SLC2A13: variants seen among roughly 807,000 people sequenced by gnomAD.
SLC2A13 encodes proton myo-inositol cotransporter.
Under a neutral mutation model 64.4 loss-of-function variants are expected in SLC2A13, and 32 were observed. That is an observed-to-expected ratio of 0.50 (90% CI 0.37 to 0.67). The LOEUF (loss-of-function observed/expected upper bound fraction) is 0.67. Ranked by LOEUF, SLC2A13 falls within the 30% of genes least tolerant of loss-of-function variation. The pLI is 0.00. For synonymous variants in SLC2A13, 338 were observed against 327.1 expected, an observed-to-expected ratio of 1.03 and a Z score of -0.36; for missense variants, 743 against 829.2, an observed-to-expected ratio of 0.90 and a Z score of 1.28.
chr12:39,962,297 G>A (rs1230903616), intron 3 of SLC2A13, among the ~76,000 whole-genome samples: 1 of 152,074 alleles, frequency 6.6e-6, no homozygotes, highest in African/African-American at 2.4e-5. Flanking sequence ...CACCATGTTG[G>A]CCAGGCTGGC....
chr12:39,766,979 A>G (rs1948716114), intron 7 of SLC2A13, among the ~76,000 whole-genome samples: 1 of 152,058 alleles, frequency 6.6e-6, no homozygotes, highest in African/African-American at 2.4e-5. Context: ...CAAACTTCCA[A>G]ACTGTTCATT....
At chr12:39,843,849 C>A (rs1352882193) in intron 6 of SLC2A13, among the ~76,000 whole-genome samples, 1 of 151,958 alleles carries the variant, frequency 6.6e-6, no homozygotes, top group Non-Finnish European at 1.5e-5. Flanking sequence ...GGCTGCTATA[C>A]CAGCTCAACT....
intron 4 of SLC2A13, among the ~76,000 whole-genome samples, chr12:39,897,866 A>T (rs1206585232): frequency 6.6e-6 from 1 of 152,102 alleles, no homozygotes; most frequent in Non-Finnish European, 1.5e-5. Context: ...GCATATTTAA[A>T]CTGAATACAT....
intron 7 of SLC2A13, among the ~76,000 whole-genome samples, chr12:39,778,132 C>G (rs1004768168): frequency 9.9e-5 from 15 of 152,138 alleles, no homozygotes; most frequent in African/African-American, 3.6e-4. Flanking sequence ...GTGAGCCACA[C>G]CCCCATCACA....
intron 2 of SLC2A13, among the ~76,000 whole-genome samples, chr12:40,045,854 T>C (rs1302838711): frequency 6.6e-6 from 1 of 152,200 alleles, no homozygotes; most frequent in Non-Finnish European, 1.5e-5. Context: ...CCCTAGTCTT[T>C]TCCTTCTCAT....
chr12:39,859,636 C>T (rs1943705327), intron 6 of SLC2A13, among the ~76,000 whole-genome samples: 1 of 152,178 alleles, frequency 6.6e-6, no homozygotes, highest in African/African-American at 2.4e-5. Flanking sequence ...GATTCTCCTG[C>T]CTCAGCTTCC....
intron 7 of SLC2A13, among the ~76,000 whole-genome samples, chr12:39,766,250 T>C (rs531145616): frequency 1.3e-5 from 2 of 152,228 alleles, no homozygotes; most frequent in South Asian, 2.1e-4. Flanking sequence ...AGCTTGGAGA[T>C]ATTGCGAGGT....
rs578233578 is a variant in SLC2A13, at chr12:40,086,974, C to T, written c.556+18279G>A. ...AGACAGGACATCAAAACCAACTCTA[C>T]AACCTTACCTCCCAATTGCTTGGTA... On this transcript the variant is annotated intron_variant, in intron 1 of 9. Transcript: ENST00000280871. Among the ~76,000 whole-genome samples the T allele has an allele frequency of 2.9e-4, 44 of 152,314 alleles. 1 individual carries two copies. In the East Asian group the frequency reaches 8.1e-3, roughly 28 times the overall value.
In SLC2A13 at chr12:40,105,814, AG is replaced by A; in HGVS notation, c.-7del. 1 of 1,462,614 alleles carries A rather than the reference AG, an allele frequency of 6.8e-7. No homozygotes were observed. Among genetic ancestry groups the A allele is most frequent in the South Asian group, 1.3e-5 (1 of 74,252 alleles). 90.6% of individuals were successfully genotyped at this position (1,462,614 alleles called of 1,614,324 possible). On this transcript the variant is annotated 5_prime_UTR_variant, in exon 1 of 10. Coordinates refer to ENST00000280871, the MANE Select transcript of SLC2A13 (RefSeq NM_052885.4). The surrounding 1 kb of genome is among the most constrained non-coding windows in gnomAD (Gnocchi z 4.2). ...TCGCTTGCCTTGCGGGACATAGGGC[AG>A]GGGCCCGGGGCTGCCCGGGGGGACG...
At chr12:39,846,517 T>A (rs1943318814) in intron 6 of SLC2A13, among the ~76,000 whole-genome samples, 1 of 152,172 alleles carries the variant, frequency 6.6e-6, no homozygotes, top group South Asian at 2.1e-4. Flanking sequence ...AGTGGTGCAA[T>A]CTCAGGTTAC....
At chr12:39,974,659 C>G (rs1240666355) in intron 3 of SLC2A13, among the ~76,000 whole-genome samples, 1 of 152,110 alleles carries the variant, frequency 6.6e-6, no homozygotes, top group Non-Finnish European at 1.5e-5. Flanking sequence ...TCATAAGATA[C>G]GTTCAAATTA....
At chr12:39,849,627 G>C (rs1252531051) in intron 6 of SLC2A13, among the ~76,000 whole-genome samples, 2 of 152,092 alleles carry the variant, frequency 1.3e-5, no homozygotes, top group African/African-American at 4.8e-5. Context: ...TCTTTGTTTA[G>C]TGCTACAATT....
At chr12:39,914,592 T>C (rs1450428853) in intron 4 of SLC2A13, among the ~76,000 whole-genome samples, 1 of 151,726 alleles carries the variant, frequency 6.6e-6, no homozygotes, top group Non-Finnish European at 1.5e-5. Flanking sequence ...ATATATTAGG[T>C]TGGTGCAAAG....
chr12:40,035,714 G>A (rs968388587), intron 2 of SLC2A13, among the ~76,000 whole-genome samples: 3 of 152,122 alleles, frequency 2.0e-5, no homozygotes, highest in African/African-American at 7.2e-5. Flanking sequence ...CTAATTGCCA[G>A]GTAAGTAAAC....
Position 39,871,975 on chromosome 12 carries a change from A to C in SLC2A13, c.1035-14T>G. On this transcript the variant is annotated splice_polypyrimidine_tract_variant and intron_variant, in intron 4 of 9. Coordinates refer to ENST00000280871, the MANE Select transcript of SLC2A13 (RefSeq NM_052885.4). ...GCACTGTAGTACCTGCAAAGCAATG[A>C]ATAAAACAATTGCTATTGATAGTTA... The C allele has an allele frequency of 2.6e-6, 4 of 1,552,456 alleles. No homozygotes were observed. Among genetic ancestry groups the C allele is most frequent in the Non-Finnish European group, 2.6e-6 (3 of 1,149,560 alleles).
At chr12:39,998,188 T>C (rs1232865494) in intron 3 of SLC2A13, among the ~76,000 whole-genome samples, 2 of 152,188 alleles carry the variant, frequency 1.3e-5, no homozygotes, top group Non-Finnish European at 2.9e-5. Flanking sequence ...TACAATGGAA[T>C]ACTACTCAGC....
At chr12:40,039,154 G>A (rs895862066) in intron 2 of SLC2A13, among the ~76,000 whole-genome samples, 8 of 151,914 alleles carry the variant, frequency 5.3e-5, no homozygotes, top group Non-Finnish European at 7.4e-5. Context: ...TTATTATTTC[G>A]GATGACTTGG....
intron 4 of SLC2A13, among the ~76,000 whole-genome samples, chr12:39,874,670 T>C (rs905120268): frequency 6.6e-6 from 1 of 150,696 alleles, no homozygotes; most frequent in Non-Finnish European, 1.5e-5. Flanking sequence ...TGTAAGGCTA[T>C]AGCAGAAGCT....
rs1027319857 is a variant in SLC2A13 at position 39,756,880 on chromosome 12, A to C, written c.*3146T>G. 1.3e-4 allele frequency: 20 copies of C among 151,682 alleles called. No homozygotes were observed. Among genetic ancestry groups the C allele is most frequent in the Admixed American group, 2.0e-4 (3 of 15,180 alleles). 9.4% of individuals were successfully genotyped at this position (151,682 alleles called of 1,614,324 possible). The stretch of plus-strand genomic sequence containing the variant: ...TGGTAAAATTAAATTATGAAAAAAT[A>C]GTCGGTATTCTCATAGCATTTTGTA... On this transcript the variant is annotated 3_prime_UTR_variant, in exon 10 of 10. Coordinates refer to ENST00000280871, the MANE Select transcript of SLC2A13 (RefSeq NM_052885.4).
Sources: gnomAD v4.1 joint callset for allele counts (sites outside exome capture counted in the v4.1 genomes callset) on GRCh38, gnomAD v4.1.1 for gene constraint, Gnocchi (gnomAD v3.1) non-coding constraint, MANE v1.5 for transcripts, NCBI Gene and HGNC (gene_info 2026-07-23, HGNC 2026-07-21) for gene names.